TRIM5: variants seen among roughly 807,000 people sequenced by gnomAD.
TRIM5 encodes the protein tripartite motif-containing protein 5.
TRIM5 carries 31 observed loss-of-function variants against 35.6 expected under a neutral mutation model. The observed-to-expected ratio is 0.87, with a 90% confidence interval of 0.65 to 1.18. The LOEUF (loss-of-function observed/expected upper bound fraction) is 1.18, where lower values mean the gene tolerates loss of function less well. TRIM5 is among the 50% of genes most tolerant of loss of function. The pLI is 0.00. For missense variants in TRIM5, 609 were observed against 591.6 expected (o/e 1.03, Z -0.31); for synonymous variants, 243 against 215.6 (o/e 1.13, Z -1.11).
intron 1 of TRIM5, among the ~76,000 whole-genome samples, chr11:5,682,139 C>G (rs565255571): frequency 1.3e-5 from 2 of 152,192 alleles, no homozygotes; most frequent in South Asian, 4.2e-4. Context: ...TGTGGTGGCT[C>G]ACGCTTGTAA....
At chr11:5,599,473 G>A in the TRIM5 span, among the ~76,000 whole-genome samples, 1 of 151,854 alleles carries the variant, frequency 6.6e-6, no homozygotes. Flanking sequence ...GCACGATCTC[G>A]ACTCACTGCA....
At chr11:5,603,840 G>C in the TRIM5 span, 4 of 1,474,196 alleles carry the variant, frequency 2.7e-6, no homozygotes, top group South Asian at 4.3e-5. Context: ...TATTTACCTA[G>C]AGAATGAACC....
Position 5,665,133 on chromosome 11 carries a change from A to G in TRIM5, c.1158T>C (p.Asn386=), listed in dbSNP as rs1301839376. 1.2e-6 allele frequency: 2 copies of G among 1,613,890 alleles called. No homozygotes were observed. The highest frequency in any genetic ancestry group is 1.3e-5 in the African/African-American group (1 of 74,860). The change falls in exon 8 of 8, where the codon AAT becomes AAC. Residue 386 remains asparagine, a synonymous_variant. Coordinates refer to ENST00000380034, the MANE Select transcript of TRIM5 (RefSeq NM_033034.3). ...GTTGATAATTTTCATTTTTTTCAATATTACACATTGCATCAGGTTGGAAGC... is the reference window on the plus strand; with the variant it reads ...GTTGATAATTTTCATTTTTTTCAATGTTACACATTGCATCAGGTTGGAAGC... The part of the protein sequence containing the change: ...CAGFQPDAMC[N]IEKNENYQPK...
chr11:5,615,404 T>C, the TRIM5 span, among the ~76,000 whole-genome samples: 2 of 152,362 alleles, frequency 1.3e-5, no homozygotes, highest in African/African-American at 4.8e-5. Context: ...TTTTGCTTTC[T>C]GATTTTTGAA....
chr11:5,610,169 G>T, the TRIM5 span: 2 of 1,614,140 alleles, frequency 1.2e-6, no homozygotes, highest in Non-Finnish European at 1.7e-6. Flanking sequence ...CCCTGAGGAA[G>T]CCAGAAGCTC....
In TRIM5 at chr11:5,663,618, T is replaced by C; in HGVS notation, c.*1191A>G. ...ATGATCCAAAGTATTAGATGAAGGT[T>C]TTTTGTTTTATTTTGCTTTTAATTG... is the stretch of plus-strand genomic sequence containing the variant. On this transcript the variant is annotated 3_prime_UTR_variant, in exon 8 of 8. Coordinates refer to ENST00000380034, the MANE Select transcript of TRIM5 (RefSeq NM_033034.3). 11 of 946,346 alleles carry C rather than the reference T, an allele frequency of 1.2e-5. No individual in the cohort carries two copies. Among genetic ancestry groups the C allele is most frequent in the Non-Finnish European group, 1.4e-5 (11 of 794,136 alleles). The allele number at this position is 946,346 out of a possible 1,614,324, so 58.6% of individuals were successfully genotyped here. A position where few individuals can be genotyped will look rare whatever the true frequency, so the allele number is the denominator to read the frequency against.
At chr11:5,635,199 T>C in the TRIM5 span, among the ~76,000 whole-genome samples, 5 of 151,284 alleles carry the variant, frequency 3.3e-5, no homozygotes, top group South Asian at 4.2e-4. Context: ...ATTTAAGAAA[T>C]GTGTTCTATT....
the TRIM5 span, chr11:5,644,393 T>C: frequency 2.5e-6 from 1 of 396,482 alleles, no homozygotes; most frequent in East Asian, 3.6e-5. Flanking sequence ...TCATGATTGC[T>C]AAAAAGTGTG....
rs778312019 is a variant in TRIM5, at chr11:5,665,092, C to T, written c.1199G>A (p.Trp400Ter). ...AACTCCTTCCTCTAACCCTATAACC[C>T]AGTAGCCGTATTTAGGTTGATAATT... ...NENYQPKYGY[W>*]VIGLEEGVKC... The change falls in exon 8 of 8, where the codon TGG becomes TAG. Residue 400 changes from tryptophan to a stop codon, truncating the protein, a stop_gained. Coordinates refer to ENST00000380034, the MANE Select transcript of TRIM5 (RefSeq NM_033034.3). LOFTEE classifies it low-confidence loss of function (END_TRUNC). 1 of 1,614,090 alleles carries T rather than the reference C, an allele frequency of 6.2e-7. No individual in the cohort carries two copies. The highest frequency in any genetic ancestry group is 8.5e-7 in the Non-Finnish European group (1 of 1,180,030).
chr11:5,630,439 C>T, the TRIM5 span, among the ~76,000 whole-genome samples: 19 of 152,150 alleles, frequency 1.2e-4, no homozygotes, highest in Non-Finnish European at 2.2e-4. Flanking sequence ...GAGACTGTCA[C>T]TTTTACTTCA....
At position 5,667,652 on chromosome 11, in the gene TRIM5, C is replaced by T. The variant is rs745709393; in HGVS notation, c.767+37G>A. On this transcript the variant is annotated intron_variant, in intron 5 of 7. Transcript: ENST00000380034. ...TCTAATGGCTATAAATCTCTCCTCA[C>T]TGCACAAAAGGACCATCTCTGTCCT... 26 of 1,610,926 alleles carry T rather than the reference C, an allele frequency of 1.6e-5. No homozygotes were observed. The East Asian group carries it at 5.8e-4, about 36-fold the overall frequency.
chr11:5,643,282 G>A, the TRIM5 span: 1 of 1,613,884 alleles, frequency 6.2e-7, no homozygotes, highest in Non-Finnish European at 8.5e-7. Context: ...TTCTCCTCTG[G>A]GAAACATTAC....
the TRIM5 span, among the ~76,000 whole-genome samples, chr11:5,626,403 T>G: frequency 2.6e-5 from 4 of 152,224 alleles, no homozygotes; most frequent in African/African-American, 7.2e-5. Context: ...TGTAAAGACC[T>G]CATGAAGGCC....
At chr11:5,644,023 C>T in the TRIM5 span, 1 of 455,680 alleles carries the variant, frequency 2.2e-6, no homozygotes, top group South Asian at 6.8e-5. Context: ...TGTTAGCCAC[C>T]ATCCATGCTA....
chr11:5,601,714 T>G, the TRIM5 span, among the ~76,000 whole-genome samples: 1 of 152,026 alleles, frequency 6.6e-6, no homozygotes, highest in African/African-American at 2.4e-5. Flanking sequence ...GCCGAGATAG[T>G]GCCACTGCCC....
the TRIM5 span, among the ~76,000 whole-genome samples, chr11:5,629,330 A>G: frequency 0.3 from 45,039 of 151,998 alleles, 7,260 homozygotes; most frequent in East Asian, 0.46. Context: ...TTTATCCAGT[A>G]TGACCTCATC....
chr11:5,678,555 G>T, intron 3 of TRIM5, 121 bp from the exon 4 acceptor site: 1 of 750,602 alleles, frequency 1.3e-6, no homozygotes, highest in Non-Finnish European at 2.1e-6. Flanking sequence ...CAGGAGAGTA[G>T]GTCTTAGGAA....
chr11:5,630,847 A>G, the TRIM5 span, among the ~76,000 whole-genome samples: 4 of 152,230 alleles, frequency 2.6e-5, no homozygotes, highest in Non-Finnish European at 4.4e-5. Flanking sequence ...GGCTAATACC[A>G]TCTGTTCATT....
At chr11:5,681,071 T>C (rs16934317) in intron 1 of TRIM5, among the ~76,000 whole-genome samples, 3,193 of 152,278 alleles carry the variant, frequency 0.021, 109 homozygotes, top group African/African-American at 0.072. Context: ...AGGACATTTA[T>C]TGGAGCCTAA....
Sources: allele counts gnomAD v4.1 joint callset (sites outside exome capture counted in the v4.1 genomes callset), GRCh38; gene constraint gnomAD v4.1.1; transcripts MANE v1.5; gene names NCBI Gene and HGNC (gene_info 2026-07-23, HGNC 2026-07-21).